The following RMDN1 variants were observed in gnomAD, a reference collection of about 807,000 sequenced individuals.
RMDN1 encodes the protein regulator of microtubule dynamics protein 1.
Under a neutral mutation model 48.9 loss-of-function variants are expected in RMDN1, and 48 were observed. The ratio of observed to expected loss-of-function variants is 0.98; its 90% confidence interval spans 0.78 to 1.25. RMDN1 has a LOEUF of 1.25. Among genes scored for constraint, RMDN1 ranks in the 50% most tolerant of loss-of-function variants. RMDN1 has a pLI of 0.00. For synonymous variants in RMDN1, 148 were observed against 132.6 expected, an observed-to-expected ratio of 1.12 and a Z score of -0.80; for missense variants, 418 against 373.4, an observed-to-expected ratio of 1.12 and a Z score of -0.98.
chr8:86,484,457 C>A (rs1235137394), intron 5 of RMDN1, among the ~76,000 whole-genome samples: 2 of 152,098 alleles, frequency 1.3e-5, no homozygotes, highest in Non-Finnish European at 2.9e-5. Flanking sequence ...GTGGCTCACA[C>A]CTATAATCCC....
downstream of RMDN1, chr8:86,470,044 A>AGAT: frequency 2.0e-6 from 1 of 507,076 alleles, no homozygotes; most frequent in South Asian, 8.5e-5. Flanking sequence ...AACTCAGTTG[A>AGAT]GATAACTTGG....
intron 2 of RMDN1, among the ~76,000 whole-genome samples, chr8:86,489,555 G>T (rs1022745249): frequency 1.3e-5 from 2 of 152,084 alleles, no homozygotes; most frequent in African/African-American, 4.8e-5. Flanking sequence ...TTCTTGGCTG[G>T]GTGCGGTGGC....
chr8:86,468,624 A>G (rs189282496), downstream of RMDN1: 150 of 451,042 alleles, frequency 3.3e-4, 3 homozygotes, highest in East Asian at 9.2e-3. Flanking sequence ...TTGACTGAAG[A>G]AGGCAGCTTT....
intron 2 of RMDN1, among the ~76,000 whole-genome samples, chr8:86,492,314 T>C: frequency 6.6e-6 from 1 of 152,172 alleles, no homozygotes. Context: ...AAGAGTACTA[T>C]GAATGTATTA....
chr8:86,470,433 C>CTT (rs1812444131), downstream of RMDN1: 5 of 1,261,258 alleles, frequency 4.0e-6, no homozygotes, highest in Non-Finnish European at 5.1e-6. Flanking sequence ...ATGGAAGAGA[C>CTT]TTAGTGCACA....
chr8:86,506,081 A>C (rs565991065), intron 2 of RMDN1, among the ~76,000 whole-genome samples: 1 of 152,162 alleles, frequency 6.6e-6, no homozygotes, highest in Non-Finnish European at 1.5e-5. Context: ...GTTCCCCCTC[A>C]CTGGACCAAA....
At chr8:86,513,435 C>T (rs1362749125), upstream of RMDN1, among the ~76,000 whole-genome samples, 1 of 152,102 alleles carries the variant, frequency 6.6e-6, no homozygotes, top group Non-Finnish European at 1.5e-5. Flanking sequence ...GGTTTGGGAC[C>T]AATATTTTTC....
rs547788205 is a variant in RMDN1, at chr8:86,473,389, A to G, written c.*919T>C. 7 of 985,382 alleles carry G rather than the reference A, an allele frequency of 7.1e-6. No homozygotes were observed. In the South Asian group the frequency reaches 2.8e-4, roughly 40 times the overall value. 61.0% of individuals were successfully genotyped at this position (985,382 alleles called of 1,614,324 possible). ...ATCTTAGTATTCCATTTCACTCTTA[A>G]GTTTTGTGTTCCTTCCATTCCATTA... On this transcript the variant is annotated 3_prime_UTR_variant, in exon 10 of 10. Coordinates refer to ENST00000406452, the MANE Select transcript of RMDN1 (RefSeq NM_016033.3).
chr8:86,499,569 C>T (rs1250687681), intron 2 of RMDN1, among the ~76,000 whole-genome samples: 2 of 152,144 alleles, frequency 1.3e-5, no homozygotes, highest in African/African-American at 4.8e-5. Flanking sequence ...ACATTCCATG[C>T]TCATGGACAG....
At chr8:86,499,084 C>CTA (rs1817815219) in intron 2 of RMDN1, among the ~76,000 whole-genome samples, 1 of 152,150 alleles carries the variant, frequency 6.6e-6, no homozygotes, top group Non-Finnish European at 1.5e-5. Context: ...ATAATAAGAG[C>CTA]TATCTATGAC....
At chr8:86,485,456 G>C (rs1815313311) in intron 4 of RMDN1, among the ~76,000 whole-genome samples, 1 of 151,992 alleles carries the variant, frequency 6.6e-6, no homozygotes, top group South Asian at 2.1e-4. Flanking sequence ...AAAAACCTCA[G>C]GGATAGGACA....
chr8:86,472,495 T>G lies in RMDN1; in HGVS notation c.*1813A>C. The G allele has an allele frequency of 1.4e-6, 1 of 702,390 alleles. No individual in the cohort carries two copies. Among genetic ancestry groups the G allele is most frequent in the Admixed American group, 2.0e-5 (1 of 49,950 alleles). 43.5% of individuals were successfully genotyped at this position (702,390 alleles called of 1,614,324 possible). On this transcript the variant is annotated 3_prime_UTR_variant, in exon 10 of 10. Coordinates refer to ENST00000406452, the MANE Select transcript of RMDN1 (RefSeq NM_016033.3). ...TTCTCTTCACCTACAAAAATAAAAT[T>G]ACAGTATACAATAACCTTTTAAAAT...
At chr8:86,507,202 C>A in intron 1 of RMDN1, 90 bp from the exon 2 acceptor site, 1 of 741,036 alleles carries the variant, frequency 1.3e-6, no homozygotes, top group Non-Finnish European at 2.4e-6. Context: ...TTTCTCCCAC[C>A]CCCAAAGCAA....
chr8:86,513,348 T>C (rs1160176188), upstream of RMDN1, among the ~76,000 whole-genome samples: 1 of 152,186 alleles, frequency 6.6e-6, no homozygotes, highest in African/African-American at 2.4e-5. Flanking sequence ...GCACTCCAGC[T>C]TGGGCAACAA....
chr8:86,485,888 G>A (rs1815384771), intron 4 of RMDN1, among the ~76,000 whole-genome samples: 1 of 152,194 alleles, frequency 6.6e-6, no homozygotes, highest in African/African-American at 2.4e-5. Flanking sequence ...AAGCCTCGGA[G>A]CAATCAAGCC....
At chr8:86,482,946 G>A (rs985490423) in intron 5 of RMDN1, 7 of 802,470 alleles carry the variant, frequency 8.7e-6, no homozygotes, top group African/African-American at 5.1e-5. Context: ...GGGCTCGGAC[G>A]AGGTCCCCGG....
rs898914109 is a variant in RMDN1 at position 86,473,835 on chromosome 8, A to G, written c.*473T>C. On this transcript the variant is annotated 3_prime_UTR_variant, in exon 10 of 10. Coordinates refer to ENST00000406452, the MANE Select transcript of RMDN1 (RefSeq NM_016033.3). Reference sequence around the variant, plus strand: ...ACTTAGTTCTTTACTTACACAGGTTAGCTCCAAGATATATCATTTAACTAC... The same window carrying G: ...ACTTAGTTCTTTACTTACACAGGTTGGCTCCAAGATATATCATTTAACTAC... 2 of 986,164 alleles carry G rather than the reference A, an allele frequency of 2.0e-6. No homozygotes were observed. The highest frequency in any genetic ancestry group is 2.4e-6 in the Non-Finnish European group (2 of 830,392). The allele number at this position is 986,164 out of a possible 1,614,324, so 61.1% of individuals were successfully genotyped here.
chr8:86,470,345 A>C, downstream of RMDN1: 1 of 1,289,310 alleles, frequency 7.8e-7, no homozygotes, highest in Non-Finnish European at 1.0e-6. Flanking sequence ...GTTTGTTCTC[A>C]GTAATGGGTC....
At chr8:86,493,050 C>A (rs1429774912) in intron 2 of RMDN1, among the ~76,000 whole-genome samples, 1 of 150,300 alleles carries the variant, frequency 6.7e-6, no homozygotes, top group Non-Finnish European at 1.5e-5. Flanking sequence ...CAAAGAAAAA[C>A]TTCTAAGGGC....
Sources: allele counts gnomAD v4.1 joint callset (sites outside exome capture counted in the v4.1 genomes callset), GRCh38; gene constraint gnomAD v4.1.1; transcripts MANE v1.5; gene names NCBI Gene and HGNC (gene_info 2026-07-23, HGNC 2026-07-21).